Variants in RAB1A observed in about 807,000 individuals in gnomAD.
RAB1A encodes the protein RAB1A, member RAS oncogene family.
A neutral mutation model predicts 26.0 loss-of-function variants in RAB1A; 2 were observed. That is an observed-to-expected ratio of 0.08 (90% confidence interval 0.03 to 0.24). RAB1A has a LOEUF of 0.24. Ranked by LOEUF, RAB1A falls within the 10% of genes least tolerant of loss-of-function variation. The pLI is 1.00. For synonymous variants in RAB1A, 84 were observed against 84.9 expected (o/e 0.99, Z 0.06); for missense variants, 100 against 247.0 (o/e 0.40, Z 3.99).
intron 1 of RAB1A, among the ~76,000 whole-genome samples, chr2:65,128,705 A>G: frequency 6.6e-6 from 1 of 152,356 alleles, no homozygotes; most frequent in African/African-American, 2.4e-5. Context: ...GTAATTGACC[A>G]AACCAGCAAA....
intron 1 of RAB1A, among the ~76,000 whole-genome samples, chr2:65,125,665 C>T (rs1573094937): frequency 6.6e-6 from 1 of 151,198 alleles, no homozygotes; most frequent in Non-Finnish European, 1.5e-5. Context: ...CCGCCCACCT[C>T]GGCCTCCCAA....
intron 1 of RAB1A, among the ~76,000 whole-genome samples, chr2:65,114,364 A>G (rs1395311385): frequency 6.6e-6 from 1 of 152,254 alleles, no homozygotes; most frequent in Non-Finnish European, 1.5e-5. Flanking sequence ...ATACAAATTT[A>G]TAAAAACAAA....
chr2:65,091,197 T>C (rs923484860), intron 3 of RAB1A, 119 bp from the exon 4 acceptor site: 15 of 709,910 alleles, frequency 2.1e-5, no homozygotes, highest in African/African-American at 1.4e-4. Context: ...GGATGTGATA[T>C]AGAAACATTA....
intron 2 of RAB1A, among the ~76,000 whole-genome samples, chr2:65,102,627 TAA>T (rs35458725): frequency 0.15 from 21,628 of 145,118 alleles, 1,799 homozygotes; most frequent in Non-Finnish European, 0.19. Context: ...TCTTTCAAGT[TAA>T]AAAAAAAAAA....
intron 1 of RAB1A, among the ~76,000 whole-genome samples, chr2:65,105,969 C>T (rs544852016): frequency 1.7e-3 from 252 of 152,232 alleles, no homozygotes; most frequent in Admixed American, 4.9e-3. Context: ...ACCGTGTTGG[C>T]CAGGATGGTC....
chr2:65,089,769 C>G (rs1005477433), intron 4 of RAB1A, among the ~76,000 whole-genome samples: 3 of 148,602 alleles, frequency 2.0e-5, no homozygotes, highest in East Asian at 4.2e-4. Flanking sequence ...ATGGCGCGAT[C>G]TCGGCTCACT....
At chr2:65,089,911 G>A (rs552558860) in intron 4 of RAB1A, among the ~76,000 whole-genome samples, 4 of 152,152 alleles carry the variant, frequency 2.6e-5, no homozygotes, top group Non-Finnish European at 4.4e-5. Flanking sequence ...CCATGTTGGC[G>A]AGGCTAGTCT....
intron 1 of RAB1A, among the ~76,000 whole-genome samples, chr2:65,108,016 A>G (rs1225854618): frequency 6.6e-6 from 1 of 150,802 alleles, no homozygotes; most frequent in Non-Finnish European, 1.5e-5. Context: ...GTGAGCTCAG[A>G]TCACACCACT....
intron 1 of RAB1A, among the ~76,000 whole-genome samples, chr2:65,119,038 A>G (rs2103874826): frequency 6.6e-6 from 1 of 151,292 alleles, no homozygotes; most frequent in Admixed American, 6.6e-5. Flanking sequence ...AAAAAGAGAA[A>G]AAAGAAAAAA....
chr2:65,092,038 G>A (rs1381829328), intron 3 of RAB1A, among the ~76,000 whole-genome samples: 1 of 152,178 alleles, frequency 6.6e-6, no homozygotes, highest in Non-Finnish European at 1.5e-5. Context: ...ACTTTGTGGG[G>A]CCGAGACGGG....
At chr2:65,128,903 G>A (rs1190088781) in intron 1 of RAB1A, among the ~76,000 whole-genome samples, 1 of 152,142 alleles carries the variant, frequency 6.6e-6, no homozygotes. Context: ...GTGAACACCA[G>A]TTCCCAGGAA....
At chr2:65,118,871 T>A (rs982113030) in intron 1 of RAB1A, among the ~76,000 whole-genome samples, 1 of 152,254 alleles carries the variant, frequency 6.6e-6, no homozygotes, top group African/African-American at 2.4e-5. Context: ...CAAGGAAGAT[T>A]TGGGTTTTTT....
chr2:65,107,966 ACC>A (rs1669600872), intron 1 of RAB1A, among the ~76,000 whole-genome samples: 1 of 150,772 alleles, frequency 6.6e-6, no homozygotes, highest in African/African-American at 2.4e-5. Context: ...TGAGAGGCTG[ACC>A]CATGAGAATT....
chr2:65,104,900 A>C, intron 1 of RAB1A, 94 bp from the exon 2 acceptor site: 14 of 1,003,854 alleles, frequency 1.4e-5, no homozygotes, highest in Non-Finnish European at 1.9e-5. Context: ...ATAACAACTC[A>C]CTGTGAAGAC....
chr2:65,118,908 G>A (rs1180553198), intron 1 of RAB1A, among the ~76,000 whole-genome samples: 2 of 152,174 alleles, frequency 1.3e-5, no homozygotes, highest in East Asian at 1.9e-4. Flanking sequence ...TGTAGAAAAG[G>A]CCAGGTACAG....
At chr2:65,094,215 C>T (rs565707731) in intron 3 of RAB1A, among the ~76,000 whole-genome samples, 14 of 152,108 alleles carry the variant, frequency 9.2e-5, no homozygotes, top group Admixed American at 3.9e-4. Context: ...AGAGATCTGC[C>T]TGCCTCAGCC....
chr2:65,118,847 T>C (rs543003112), intron 1 of RAB1A, among the ~76,000 whole-genome samples: 3 of 152,280 alleles, frequency 2.0e-5, no homozygotes, highest in South Asian at 4.1e-4. Context: ...TATGTATATA[T>C]GTATATACAA....
At chr2:65,122,715 G>A (rs1020627311) in intron 1 of RAB1A, among the ~76,000 whole-genome samples, 2 of 152,016 alleles carry the variant, frequency 1.3e-5, no homozygotes, top group African/African-American at 2.4e-5. Context: ...GGTGGCTCAC[G>A]CCTGTAATCT....
At chr2:65,124,150 G>C (rs1670039747) in intron 1 of RAB1A, among the ~76,000 whole-genome samples, 1 of 152,104 alleles carries the variant, frequency 6.6e-6, no homozygotes, top group Non-Finnish European at 1.5e-5. Flanking sequence ...ACCACGCCTA[G>C]CTAATTTGGT....
Sources: gnomAD v4.1 joint callset for allele counts (sites outside exome capture counted in the v4.1 genomes callset) on GRCh38, gnomAD v4.1.1 for gene constraint, MANE v1.5 for transcripts, NCBI Gene and HGNC (gene_info 2026-07-23, HGNC 2026-07-21) for gene names.